Variants in TTC28 observed in about 807,000 individuals in gnomAD.
TTC28 encodes the protein tetratricopeptide repeat protein 28.
TTC28 carries 61 observed loss-of-function variants against 198.0 expected under a neutral mutation model. The ratio of observed to expected loss-of-function variants is 0.31; its 90% CI spans 0.25 to 0.38. TTC28 has a LOEUF of 0.38. Ranked by LOEUF, TTC28 falls within the 10% of genes least tolerant of loss-of-function variation. The pLI, the probability that TTC28 is intolerant of heterozygous loss-of-function variation, is 1.00. For synonymous variants in TTC28, 1,171 were observed against 1,297.8 expected (o/e 0.90, Z 2.10); for missense variants, 2,678 against 3,164.0 (o/e 0.85, Z 3.69).
intron 2 of TTC28, among the ~76,000 whole-genome samples, chr22:28,320,524 T>C (rs2045429389): frequency 6.6e-6 from 1 of 152,232 alleles, no homozygotes; most frequent in African/African-American, 2.4e-5. Flanking sequence ...GGCATTTTAG[T>C]CTTTTCTTTG....
chr22:28,153,812 T>C (rs1943674764), intron 6 of TTC28, among the ~76,000 whole-genome samples: 1 of 152,252 alleles, frequency 6.6e-6, no homozygotes, highest in Admixed American at 6.5e-5. Context: ...AAGAGACAGT[T>C]GTTTTTAAAC....
At chr22:28,315,282 AT>A (rs917677933) in intron 2 of TTC28, among the ~76,000 whole-genome samples, 340 of 145,212 alleles carry the variant, frequency 2.3e-3, no homozygotes, top group Middle Eastern at 3.5e-3. Context: ...CTGGATTTGG[AT>A]TTTTTTTTTT....
chr22:28,434,001 A>T (rs1209173386), intron 2 of TTC28, among the ~76,000 whole-genome samples: 1 of 152,220 alleles, frequency 6.6e-6, no homozygotes, highest in African/African-American at 2.4e-5. Flanking sequence ...TACCTCAACT[A>T]TTTAAAACAT....
At chr22:28,551,603 A>G (rs770468559) in intron 2 of TTC28, among the ~76,000 whole-genome samples, 3 of 152,248 alleles carry the variant, frequency 2.0e-5, no homozygotes, top group Admixed American at 6.5e-5. Context: ...GTTATACCAC[A>G]TAAACAGAGT....
At position 28,670,098 on chromosome 22, in the gene TTC28, T is replaced by TGG. The variant is rs34145718; in HGVS notation, c.102+9522_102+9523dup. The stretch of plus-strand genomic sequence containing the variant: ...TACCCTGTATTACTGAAAATAAAAA[T>TGG]GGGGGGGGGGCAAATAAAGACTTTA... On this transcript the variant is annotated intron_variant, in intron 1 of 22. Coordinates refer to ENST00000397906, the MANE Select transcript of TTC28 (RefSeq NM_001145418.2). Among the ~76,000 whole-genome samples, 1,244 of 136,420 alleles carry TGG rather than the reference T, an allele frequency of 9.1e-3. 14 individuals are homozygous for TGG. Among genetic ancestry groups the TGG allele is most frequent in the African/African-American group, 0.029 (1,067 of 37,106 alleles). The allele number at this position is 136,420 out of a possible 152,430, so 89.5% of individuals were successfully genotyped here.
intron 2 of TTC28, among the ~76,000 whole-genome samples, chr22:28,447,879 G>A (rs1179365964): frequency 6.6e-6 from 1 of 151,976 alleles, no homozygotes; most frequent in Non-Finnish European, 1.5e-5. Flanking sequence ...CCTGCTGTCT[G>A]GCTTTCGTTT....
At chr22:28,413,444 G>C (rs927549258) in intron 2 of TTC28, among the ~76,000 whole-genome samples, 1 of 151,836 alleles carries the variant, frequency 6.6e-6, no homozygotes, top group Non-Finnish European at 1.5e-5. Flanking sequence ...GTTTCTAGTC[G>C]TCTGATGTAC....
intron 1 of TTC28, among the ~76,000 whole-genome samples, chr22:28,661,861 C>A (rs534629163): frequency 6.6e-6 from 1 of 152,220 alleles, no homozygotes; most frequent in South Asian, 2.1e-4. Flanking sequence ...CCTGCCTCGG[C>A]CTCCCAAAGT....
At chr22:28,074,755 A>G (rs1941113753) in intron 12 of TTC28, among the ~76,000 whole-genome samples, 1 of 151,684 alleles carries the variant, frequency 6.6e-6, no homozygotes, top group South Asian at 2.1e-4. Flanking sequence ...ATCCCCCCCC[A>G]TGTACAATGG....
chr22:28,479,624 T>C (rs898783000), intron 2 of TTC28, among the ~76,000 whole-genome samples: 1 of 152,160 alleles, frequency 6.6e-6, no homozygotes, highest in African/African-American at 2.4e-5. Flanking sequence ...CATAATTAAT[T>C]AATAAACATT....
chr22:28,045,009 C>T (rs1034314223), intron 12 of TTC28, among the ~76,000 whole-genome samples: 5 of 152,120 alleles, frequency 3.3e-5, no homozygotes, highest in African/African-American at 4.8e-5. Context: ...TGACTGTAAT[C>T]GATTGGAAGG....
intron 2 of TTC28, among the ~76,000 whole-genome samples, chr22:28,583,442 C>A (rs186588131): frequency 9.2e-4 from 140 of 152,262 alleles, no homozygotes; most frequent in African/African-American, 3.2e-3. Context: ...ATTCATTCTT[C>A]CTTAAAATCA....
rs534618233 is a variant in TTC28, at chr22:28,571,331, ACTCT to A, written c.381+58217_381+58220del. Among the ~76,000 whole-genome samples, 7 of 152,278 alleles carry A rather than the reference ACTCT, an allele frequency of 4.6e-5. No homozygotes were observed. The South Asian group carries it at 1.5e-3, about 32-fold the overall frequency. ...AATAATTACACATGAAATTACACAAACTCTCTATTGTATTTCCATTAACAATTCA... is the reference window on the plus strand; with the variant it reads ...AATAATTACACATGAAATTACACAAACTATTGTATTTCCATTAACAATTCA... On this transcript the variant is annotated intron_variant, in intron 2 of 22. Coordinates refer to ENST00000397906, the MANE Select transcript of TTC28 (RefSeq NM_001145418.2).
chr22:28,536,573 G>A (rs1486456561), intron 2 of TTC28, among the ~76,000 whole-genome samples: 1 of 151,990 alleles, frequency 6.6e-6, no homozygotes. Flanking sequence ...GCAGTGAGCC[G>A]AGATTGCGCC....
chr22:28,268,213 A>C (rs1024059376), intron 5 of TTC28, among the ~76,000 whole-genome samples: 4 of 152,190 alleles, frequency 2.6e-5, no homozygotes, highest in Non-Finnish European at 5.9e-5. Flanking sequence ...AATGGCTCTC[A>C]TAACAGCATT....
intron 2 of TTC28, among the ~76,000 whole-genome samples, chr22:28,427,816 G>T (rs16986419): frequency 0.016 from 2,443 of 151,044 alleles, 86 homozygotes; most frequent in African/African-American, 0.057. Context: ...TCAAATTCAG[G>T]TAAATTAAGT....
At chr22:28,179,652 T>C (rs980717564) in intron 5 of TTC28, among the ~76,000 whole-genome samples, 10 of 152,204 alleles carry the variant, frequency 6.6e-5, no homozygotes, top group Non-Finnish European at 1.5e-4. Context: ...CTACAGACTG[T>C]TCCAACAGAG....
chr22:28,094,126 T>C lies in TTC28; in HGVS notation c.3886A>G (p.Ile1296Val), dbSNP rs1241656981. The stretch of plus-strand genomic sequence containing the variant: ...CCCAGGGCCTCCCGGACACTGGCAA[T>C]GTGCTGCTCCAGGGCTGAGCCGGTT... ...TATGSALEQH[I>V]ASVREALGVE... The change falls in exon 12 of 23, where the codon ATT becomes GTT. Residue 1296 changes from isoleucine (I) to valine (V), a missense_variant. Physicochemically the swap from Ile to Val is conservative, Grantham distance 29. This residue lies in a region of TTC28 where 727 missense variants were observed against 861.9 expected (regional missense o/e 0.84). Coordinates refer to ENST00000397906, the MANE Select transcript of TTC28 (RefSeq NM_001145418.2). 1.0e-5 allele frequency: 16 copies of C among 1,551,238 alleles called. No individual in the cohort carries two copies. Among genetic ancestry groups the C allele is most frequent in the Non-Finnish European group, 1.4e-5 (16 of 1,146,858 alleles).
At chr22:28,233,938 T>C (rs2147235735) in intron 5 of TTC28, among the ~76,000 whole-genome samples, 1 of 149,164 alleles carries the variant, frequency 6.7e-6, no homozygotes, top group East Asian at 2.0e-4. Flanking sequence ...AGACAGAGTC[T>C]TGCTGTCGCC....
Sources: gnomAD v4.1 joint callset for allele counts (sites outside exome capture counted in the v4.1 genomes callset) on GRCh38, gnomAD v4.1.1 for gene constraint, gnomAD v4.1.1 regional missense constraint, MANE v1.5 for transcripts, NCBI Gene and HGNC (gene_info 2026-07-23, HGNC 2026-07-21) for gene names.